The following JPT1 variants were observed in gnomAD, a reference collection of about 807,000 sequenced individuals.
The protein encoded by JPT1 is Jupiter microtubule associated homolog 1, also known as androgen-regulated protein 2.
JPT1 carries 5 observed loss-of-function variants against 17.0 expected under a neutral mutation model. The ratio of observed to expected loss-of-function variants is 0.29; its 90% CI spans 0.15 to 0.62. The LOEUF (loss-of-function observed/expected upper bound fraction) is 0.62. Among genes scored for constraint, JPT1 ranks in the 20% least tolerant of loss-of-function variants. JPT1 has a pLI of 0.85. For synonymous variants in JPT1, 71 were observed against 73.6 expected (o/e 0.96, Z 0.18); for missense variants, 158 against 188.1 (o/e 0.84, Z 0.94).
Position 75,147,562 on chromosome 17 carries a change from A to T in JPT1, c.291T>A (p.Asp97Glu), listed in dbSNP as rs1179103480. Residue 97 changes from aspartate to glutamate, a missense_variant, in exon 3 of 5, where the codon GAT (aspartate) becomes GAA (glutamate). Asp to Glu is a conservative substitution (Grantham distance 45). Coordinates refer to ENST00000409753, the MANE Select transcript of JPT1 (RefSeq NM_016185.4). ...SSEASSGDFL[D>E]LKGEGDIHEN... ...CTCATGCTGTCACACTGACCTTCAG[A>T]TCTAAGAAGTCTCCGGAGCTTGCTT... The T allele has an allele frequency of 6.2e-7, 1 of 1,612,098 alleles. No individual in the cohort carries two copies. Among genetic ancestry groups the T allele is most frequent in the Non-Finnish European group, 8.5e-7 (1 of 1,178,220 alleles).
intron 3 of JPT1, 82 bp downstream of exon 3, chr17:75,147,474 G>C: frequency 3.2e-6 from 3 of 932,270 alleles, no homozygotes; most frequent in Non-Finnish European, 3.5e-6. Flanking sequence ...TAAAATTCCA[G>C]TGGGTGAACT....
At chr17:75,144,669 A>T (rs1170483049) in intron 4 of JPT1, among the ~76,000 whole-genome samples, 5 of 152,188 alleles carry the variant, frequency 3.3e-5, no homozygotes, top group Non-Finnish European at 7.3e-5. Context: ...GAAGTTCCAG[A>T]GGCCCAGACT....
chr17:75,142,605 AAGGGGGAGAGAGGAGGGGAGGG>A lies in JPT1; in HGVS notation c.316+4039_316+4060del, dbSNP rs2074339707. Among the ~76,000 whole-genome samples the A allele has an allele frequency of 1.5e-3, 15 of 10,208 alleles. No individual in the cohort carries two copies. The South Asian group carries it at 0.051, about 35-fold the overall frequency. The allele number at this position is 10,208 out of a possible 152,430, so 6.7% of individuals were successfully genotyped here. ...GGAGGGAGAGGGAGGGAGGGAGGGG[AAGGGGGAGAGAGGAGGGGAGGG>A]AGGGGAGGGAGGGGAGGGGGGGATG... On this transcript the variant is annotated intron_variant, in intron 4 of 4. Transcript: ENST00000409753.
At chr17:75,151,840 A>G (rs771243837) in intron 1 of JPT1, among the ~76,000 whole-genome samples, 1 of 151,692 alleles carries the variant, frequency 6.6e-6, no homozygotes, top group Non-Finnish European at 1.5e-5. Context: ...GTTTTGGCAC[A>G]TGCCTGTAAT....
At chr17:75,142,776 T>TA (rs1485467150) in intron 4 of JPT1, 1 of 456,122 alleles carries the variant, frequency 2.2e-6, no homozygotes, top group Non-Finnish European at 4.4e-6. Context: ...CCAGAAGTCT[T>TA]TCCAGAACAG....
At chr17:75,147,115 C>A (rs1037800224) in intron 3 of JPT1, among the ~76,000 whole-genome samples, 3 of 152,226 alleles carry the variant, frequency 2.0e-5, no homozygotes, top group African/African-American at 7.2e-5. Context: ...CCTCACTGTG[C>A]TCTGAGGGCT....
In JPT1 at chr17:75,140,277, T is replaced by A. The variant is rs186254266; in HGVS notation, c.317-4027A>T. On this transcript the variant is annotated intron_variant, in intron 4 of 4. Coordinates refer to ENST00000409753, the MANE Select transcript of JPT1 (RefSeq NM_016185.4). ...AAGCTTTTGTCTGCTGAAGATAATTTAAAAAAAAAAAGGGCTTTAAATGAA... is the reference window on the plus strand; with the variant it reads ...AAGCTTTTGTCTGCTGAAGATAATTAAAAAAAAAAAAGGGCTTTAAATGAA... 1.0e-3 allele frequency among the ~76,000 whole-genome samples: 153 copies of A among 146,410 alleles called. 1 individual carries two copies. In the East Asian group the frequency reaches 0.022, roughly 21 times the overall value.
chr17:75,142,554 C>T (rs1030353125), intron 4 of JPT1, among the ~76,000 whole-genome samples: 8 of 136,218 alleles, frequency 5.9e-5, no homozygotes, highest in African/African-American at 1.9e-4. Flanking sequence ...AGCTAAACTC[C>T]GTCAAGGGGG....
At chr17:75,147,493 T>A (rs1346101996) in intron 3 of JPT1, 63 bp downstream of exon 3, 1 of 1,137,850 alleles carries the variant, frequency 8.8e-7, no homozygotes, top group South Asian at 1.2e-5. Flanking sequence ...CTGAAACTCT[T>A]AGTACAAATT....
chr17:75,143,854 G>C (rs77406586), intron 4 of JPT1, among the ~76,000 whole-genome samples: 2 of 151,632 alleles, frequency 1.3e-5, no homozygotes, highest in Admixed American at 1.3e-4. Flanking sequence ...AAAAAAGAGC[G>C]AATCTCCATC....
At chr17:75,140,874 G>A (rs1456972400) in intron 4 of JPT1, among the ~76,000 whole-genome samples, 4 of 151,922 alleles carry the variant, frequency 2.6e-5, no homozygotes, top group Non-Finnish European at 4.4e-5. Context: ...GGTGGATCAC[G>A]AGGTAAGGAG....
chr17:75,137,620 C>T (rs191963395), intron 4 of JPT1, among the ~76,000 whole-genome samples: 2,057 of 149,010 alleles, frequency 0.014, 44 homozygotes, highest in African/African-American at 0.048. Context: ...CCTCCCATCT[C>T]ACCCTCCCTA....
At chr17:75,149,375 AT>A (rs111459050) in intron 1 of JPT1, among the ~76,000 whole-genome samples, 1 of 150,296 alleles carries the variant, frequency 6.7e-6, no homozygotes, top group Non-Finnish European at 1.5e-5. Flanking sequence ...AAGTAAATAA[AT>A]TTTTTTTTTG....
At chr17:75,144,277 T>G (rs2074381826) in intron 4 of JPT1, among the ~76,000 whole-genome samples, 1 of 152,222 alleles carries the variant, frequency 6.6e-6, no homozygotes, top group East Asian at 1.9e-4. Context: ...ATCTCAATAC[T>G]TTTGGAGGCT....
intron 4 of JPT1, among the ~76,000 whole-genome samples, chr17:75,139,698 T>A (rs1391132785): frequency 9.2e-5 from 14 of 151,982 alleles, no homozygotes; most frequent in African/African-American, 3.4e-4. Context: ...CGCGCCTGTA[T>A]TCACAGATAC....
intron 4 of JPT1, among the ~76,000 whole-genome samples, chr17:75,138,134 G>A (rs534780977): frequency 4.0e-5 from 6 of 151,808 alleles, no homozygotes; most frequent in African/African-American, 1.4e-4. Flanking sequence ...CTAATTTTTT[G>A]TATTTTTAGT....
At chr17:75,149,692 A>G (rs1389401628) in intron 1 of JPT1, among the ~76,000 whole-genome samples, 1 of 152,136 alleles carries the variant, frequency 6.6e-6, no homozygotes, top group Non-Finnish European at 1.5e-5. Flanking sequence ...ATTTTAAAAA[A>G]TCACTTCCTT....
intron 1 of JPT1, among the ~76,000 whole-genome samples, chr17:75,151,561 C>A (rs1598210092): frequency 6.6e-6 from 1 of 151,886 alleles, no homozygotes. Flanking sequence ...GAGGCTGAGG[C>A]AGAGGCAGAA....
At chr17:75,147,394 C>A in intron 3 of JPT1, 162 bp downstream of exon 3, 1 of 577,588 alleles carries the variant, frequency 1.7e-6, no homozygotes. Context: ...CATGTTAACA[C>A]ACTTCTATGA....
Sources: gnomAD v4.1 joint callset for allele counts (sites outside exome capture counted in the v4.1 genomes callset) on GRCh38, gnomAD v4.1.1 for gene constraint, MANE v1.5 for transcripts, NCBI Gene and HGNC (gene_info 2026-07-23, HGNC 2026-07-21) for gene names.